TIAM1: variants seen among roughly 807,000 people sequenced by gnomAD.
TIAM1 encodes the protein rho guanine nucleotide exchange factor TIAM1.
TIAM1 carries 65 observed loss-of-function variants against 163.5 expected under a neutral mutation model. The ratio of observed to expected loss-of-function variants is 0.40; its 90% CI spans 0.33 to 0.49. TIAM1 has a LOEUF of 0.49. Among genes scored for constraint, TIAM1 ranks in the 20% least tolerant of loss-of-function variants. TIAM1 has a pLI of 0.77. For synonymous variants in TIAM1, 833 were observed against 810.1 expected (o/e 1.03, Z -0.48); for missense variants, 1,789 against 2,044.7 (o/e 0.87, Z 2.41).
intron 12 of TIAM1, among the ~76,000 whole-genome samples, chr21:31,196,642 G>A (rs1337401763): frequency 1.3e-5 from 2 of 152,088 alleles, no homozygotes; most frequent in Non-Finnish European, 2.9e-5. Flanking sequence ...CTTATACACT[G>A]TTGTTGGGAA....
chr21:31,338,699 G>A (rs1237894462), intron 2 of TIAM1, among the ~76,000 whole-genome samples: 9 of 152,126 alleles, frequency 5.9e-5, no homozygotes, highest in Non-Finnish European at 1.3e-4. Context: ...AACGTTGCAC[G>A]GCGACCTCTT....
At chr21:31,503,989 T>A (rs769936206) in intron 1 of TIAM1, among the ~76,000 whole-genome samples, 5 of 151,898 alleles carry the variant, frequency 3.3e-5, no homozygotes, top group Non-Finnish European at 7.4e-5. Context: ...CCAGAGCAGA[T>A]CTCTAATGCT....
Position 31,210,096 on chromosome 21 carries a change from C to T in TIAM1, c.2337G>A (p.Thr779=), listed in dbSNP as rs28520154. The change falls in exon 11 of 28, where the codon ACG becomes ACA. Residue 779 remains threonine (T), a synonymous_variant. Transcript: ENST00000541036. ...GTGCAGTGTCGCCTGGCCGGACGACCGTCAGGGCAGGCTGATTATTGGGCA... is the reference window on the plus strand; with the variant it reads ...GTGCAGTGTCGCCTGGCCGGACGACTGTCAGGGCAGGCTGATTATTGGGCA... ...FCLPNNQPAL[T]VVRPGDTARD... The T allele has an allele frequency of 2.7e-5, 44 of 1,614,022 alleles. No individual in the cohort carries two copies. Among genetic ancestry groups the T allele is most frequent in the Non-Finnish European group, 3.1e-5 (37 of 1,180,036 alleles).
chr21:31,124,836 G>A (rs1371337306), intron 26 of TIAM1, 142 bp from the exon 27 acceptor site: 1 of 643,508 alleles, frequency 1.6e-6, no homozygotes, highest in Non-Finnish European at 2.5e-6. Flanking sequence ...TCTATGCTGA[G>A]CGGTGATTTC....
chr21:31,297,761 G>T (rs972241509), intron 2 of TIAM1, among the ~76,000 whole-genome samples: 1 of 152,142 alleles, frequency 6.6e-6, no homozygotes, highest in African/African-American at 2.4e-5. Context: ...TTACGTTAGG[G>T]TTTTGAGACC....
chr21:31,129,755 G>T (rs989040676), intron 25 of TIAM1, among the ~76,000 whole-genome samples: 2 of 152,110 alleles, frequency 1.3e-5, no homozygotes, highest in Non-Finnish European at 2.9e-5. Flanking sequence ...AATACTTTAG[G>T]GAAAAAACAT....
intron 1 of TIAM1, among the ~76,000 whole-genome samples, chr21:31,510,245 G>A (rs997121404): frequency 2.0e-5 from 3 of 152,140 alleles, no homozygotes; most frequent in African/African-American, 4.8e-5. Flanking sequence ...GCCTCTCCTC[G>A]GCTGGCAGAT....
At position 31,361,405 on chromosome 21, in the gene TIAM1, G is replaced by A. The variant is rs756464022; in HGVS notation, c.-368-21983C>T. 2.6e-5 allele frequency among the ~76,000 whole-genome samples: 4 copies of A among 152,198 alleles called. No homozygotes were observed. In the South Asian group the frequency reaches 6.2e-4, roughly 24 times the overall value. On this transcript the variant is annotated intron_variant, in intron 2 of 28. Coordinates refer to the TIAM1 transcript ENST00000286827. ...CCTGGTTGTTATCTTTAGGAGGCAG[G>A]GAGAAAATTGTGATTGAGGATGGGA...
intron 5 of TIAM1, 73 bp from the exon 6 acceptor site, chr21:31,245,733 A>C: frequency 7.9e-7 from 1 of 1,266,902 alleles, no homozygotes; most frequent in East Asian, 3.0e-5. Flanking sequence ...GTTGAACCTA[A>C]CATGTGCACC....
At position 31,154,343 on chromosome 21, in the gene TIAM1, C is replaced by G; in HGVS notation, c.3075G>C (p.Thr1025=). The G allele has an allele frequency of 3.1e-6, 5 of 1,614,092 alleles. No homozygotes were observed. In the South Asian group the frequency reaches 3.3e-5, roughly 11 times the overall value. Residue 1025 remains threonine (T), a synonymous_variant, in exon 17 of 28, where the codon ACG becomes ACC. Transcript: ENST00000541036. ...GTCTCATGGTCGCCAGCTGAGGCCC[C>G]GTGGAGTCCTGAGGAGATGGGCTCT... ...SDQSPSPQDS[T]GPQLATMRQL...
At chr21:31,455,383 T>C (rs2833408) in intron 2 of TIAM1, among the ~76,000 whole-genome samples, 17,760 of 150,764 alleles carry the variant, frequency 0.12, 1,739 homozygotes, top group East Asian at 0.52. Context: ...GCCAGATGAG[T>C]GGCAATATGA....
chr21:31,412,263 G>A (rs142008444), intron 2 of TIAM1, among the ~76,000 whole-genome samples: 134 of 152,282 alleles, frequency 8.8e-4, no homozygotes, highest in Non-Finnish European at 1.6e-3. Context: ...GATAGACAAC[G>A]AAGACTTGAA....
At chr21:31,165,198 C>T (rs2084149975) in intron 15 of TIAM1, 133 bp from the exon 16 acceptor site, 4 of 661,850 alleles carry the variant, frequency 6.0e-6, no homozygotes, top group Non-Finnish European at 1.0e-5. Flanking sequence ...AGTACAAGCT[C>T]CATCACCTGG....
intron 4 of TIAM1, among the ~76,000 whole-genome samples, chr21:31,263,956 G>A (rs942925685): frequency 6.6e-6 from 1 of 152,092 alleles, no homozygotes; most frequent in African/African-American, 2.4e-5. Flanking sequence ...CCCTCGCAGG[G>A]TAGACAGAGG....
chr21:31,297,663 C>T (rs971788092), intron 2 of TIAM1, among the ~76,000 whole-genome samples: 5 of 152,222 alleles, frequency 3.3e-5, no homozygotes, highest in African/African-American at 1.2e-4. Context: ...GGATTACAGG[C>T]ATGAGCCACC....
chr21:31,391,419 G>A (rs2076962877), intron 2 of TIAM1, among the ~76,000 whole-genome samples: 1 of 152,164 alleles, frequency 6.6e-6, no homozygotes, highest in South Asian at 2.1e-4. Flanking sequence ...GAGGTCAGGA[G>A]TTCGAGACCA....
chr21:31,164,373 G>C (rs2084101281), intron 16 of TIAM1, among the ~76,000 whole-genome samples: 2 of 144,940 alleles, frequency 1.4e-5, no homozygotes, highest in Admixed American at 1.4e-4. Flanking sequence ...CTGGGCGACA[G>C]AGCGAGACTC....
chr21:31,230,420 T>C (rs888675633), intron 6 of TIAM1, among the ~76,000 whole-genome samples: 3 of 151,332 alleles, frequency 2.0e-5, no homozygotes, highest in African/African-American at 7.3e-5. Context: ...AAAAAAAAAG[T>C]TTTGGTTCTG....
At chr21:31,138,677 T>C (rs1416976702) in intron 22 of TIAM1, among the ~76,000 whole-genome samples, 6 of 152,220 alleles carry the variant, frequency 3.9e-5, no homozygotes, top group Non-Finnish European at 8.8e-5. Context: ...CCAAGACTCA[T>C]TCTCCCTAGG....
Sources: gnomAD v4.1 joint callset for allele counts (sites outside exome capture counted in the v4.1 genomes callset) on GRCh38, gnomAD v4.1.1 for gene constraint, MANE v1.5 for transcripts, NCBI Gene and HGNC (gene_info 2026-07-23, HGNC 2026-07-21) for gene names.